ATXN7L2: variants seen among roughly 807,000 people sequenced by gnomAD.
ATXN7L2 encodes ataxin 7 like 2.
ATXN7L2 carries 17 observed loss-of-function variants against 59.6 expected under a neutral mutation model. The observed-to-expected ratio is 0.29, with a 90% CI of 0.20 to 0.43. The LOEUF (loss-of-function observed/expected upper bound fraction) is 0.43, where lower values mean the gene tolerates loss of function less well. ATXN7L2 is among the 20% of genes least tolerant of loss of function. The pLI is 1.00. For missense variants in ATXN7L2, 858 were observed against 1,008.9 expected, an observed-to-expected ratio of 0.85 and a Z score of 2.03; for synonymous variants, 378 against 392.5, an observed-to-expected ratio of 0.96 and a Z score of 0.44.
intron 10 of ATXN7L2, chr1:109,492,126 G>T: frequency 9.5e-7 from 1 of 1,055,290 alleles, no homozygotes; most frequent in Non-Finnish European, 1.1e-6. Context: ...GGTCTCACTG[G>T]TTTTTCCTCT....
chr1:109,492,209 G>T, intron 10 of ATXN7L2: 1 of 768,760 alleles, frequency 1.3e-6, no homozygotes, highest in Non-Finnish European at 1.6e-6. Flanking sequence ...CTCCAGGTGT[G>T]CAGGTGACAG....
chr1:109,486,159 C>A lies in ATXN7L2; in HGVS notation c.193+37C>A. On this transcript the variant is annotated intron_variant, in intron 2 of 10. Coordinates refer to ENST00000683729, the MANE Select transcript of ATXN7L2 (RefSeq NM_001350175.2). The surrounding 1 kb of genome is among the most constrained non-coding windows in gnomAD (Gnocchi z 4.3). ...CACACATTAGGGCTGGGACCCAGGG[C>A]AGACAGGACCACGCTCCACTTTTCC... The A allele has an allele frequency of 6.5e-7, 1 of 1,533,050 alleles. No individual in the cohort carries two copies. The highest frequency in any genetic ancestry group is 1.4e-5 in the African/African-American group (1 of 72,038). The allele number at this position is 1,533,050 out of a possible 1,614,324, so 95.0% of individuals were successfully genotyped here.
rs757316778 is a variant in ATXN7L2, at chr1:109,491,508, G to C, written c.2041G>C (p.Gly681Arg). 11 of 1,613,834 alleles carry C rather than the reference G, an allele frequency of 6.8e-6. No homozygotes were observed. Among genetic ancestry groups the C allele is most frequent in the African/African-American group, 1.3e-5 (1 of 74,958 alleles). The change falls in exon 10 of 11, where the codon GGA becomes CGA. Residue 681 changes from glycine (G) to arginine (R), a missense_variant. Physicochemically the swap from Gly to Arg is moderately radical, Grantham distance 125. Coordinates refer to ENST00000683729, the MANE Select transcript of ATXN7L2 (RefSeq NM_001350175.2). This position sits in a 1 kb window ranked among gnomAD's most constrained non-coding sequence, Gnocchi z 4.1. ...PVKASQLENR[G>R]AAGHPAKALP... ...CAAGGCTTCTCAGCTGGAGAACCGG[G>C]GAGCAGCTGGACACCCAGCCAAGGC...
chr1:109,485,891 G>A, intron 1 of ATXN7L2, 166 bp from the exon 2 acceptor site: 1 of 1,266,140 alleles, frequency 7.9e-7, no homozygotes, highest in Non-Finnish European at 1.0e-6. Context: ...CCAGGAGCTT[G>A]TCACGGAGTG....
intron 7 of ATXN7L2, 185 bp from the exon 8 acceptor site, chr1:109,489,745 C>T (rs1390512746): frequency 3.1e-6 from 2 of 652,368 alleles, no homozygotes; most frequent in Non-Finnish European, 2.7e-6. Flanking sequence ...GGAGCAGTCT[C>T]TCTGTCTCTT....
intron 10 of ATXN7L2, among the ~76,000 whole-genome samples, chr1:109,492,352 G>A (rs1220403695): frequency 6.6e-6 from 1 of 152,150 alleles, no homozygotes; most frequent in Admixed American, 6.5e-5. Flanking sequence ...GGTGGGACGG[G>A]GGTGCTCTCC....
Position 109,491,547 on chromosome 1 carries a change from T to G in ATXN7L2, c.2080T>G (p.Cys694Gly). Residue 694 changes from cysteine to glycine, a missense_variant, in exon 10 of 11, where the codon TGC becomes GGC. By Grantham distance (159) the Cys-to-Gly change is radical. Transcript: ENST00000683729. The surrounding 1 kb of genome is among the most constrained non-coding windows in gnomAD (Gnocchi z 4.1). ...CCCAGCCAAGGCCCTGCCAACCAAC[T>G]GCCTCTCTGAGGAGGAGGTGGCCAA... Reference protein sequence around the residue: ...GHPAKALPTNCLSEEEVAKKR... With the variant: ...GHPAKALPTNGLSEEEVAKKR... The G allele has an allele frequency of 6.2e-7, 1 of 1,613,982 alleles. No individual in the cohort carries two copies. Among genetic ancestry groups the G allele is most frequent in the East Asian group, 2.2e-5 (1 of 44,886 alleles).
At position 109,491,486 on chromosome 1, in the gene ATXN7L2, G is replaced by A; in HGVS notation, c.2019G>A (p.Lys673=). The A allele has an allele frequency of 6.2e-7, 1 of 1,614,004 alleles. No homozygotes were observed. Among genetic ancestry groups the A allele is most frequent in the Non-Finnish European group, 8.5e-7 (1 of 1,180,038 alleles). ...GSPHQLPTPV[K]ASQLENRGAA... ...CTCATCAGCTCCCCACACCAGTCAA[G>A]GCTTCTCAGCTGGAGAACCGGGGAG... is the stretch of plus-strand genomic sequence containing the variant. The change falls in exon 10 of 11, where the codon AAG becomes AAA. Residue 673 remains lysine (K), a synonymous_variant. Transcript: ENST00000683729. The surrounding 1 kb of genome is among the most constrained non-coding windows in gnomAD (Gnocchi z 4.1).
chr1:109,490,501 T>C (rs2101036816), intron 9 of ATXN7L2, 109 bp downstream of exon 9: 12 of 1,440,418 alleles, frequency 8.3e-6, no homozygotes, highest in Non-Finnish European at 1.1e-5. Context: ...TAGGTGTGCC[T>C]TGGCTATTTG....
intron 1 of ATXN7L2, chr1:109,485,402 A>G: frequency 5.1e-6 from 5 of 985,496 alleles, no homozygotes; most frequent in Non-Finnish European, 6.0e-6. Flanking sequence ...TAGCTGACCA[A>G]GGAGACTTTG....
intron 1 of ATXN7L2, among the ~76,000 whole-genome samples, chr1:109,484,369 C>G (rs564375586): frequency 6.6e-6 from 1 of 152,020 alleles, no homozygotes; most frequent in Admixed American, 6.5e-5. Context: ...TGCCTGCTGC[C>G]CCTCAGCTCG....
At chr1:109,485,138 A>G in intron 1 of ATXN7L2, 1 of 467,588 alleles carries the variant, frequency 2.1e-6, no homozygotes, top group Non-Finnish European at 2.8e-6. Flanking sequence ...GGGTGGGCAA[A>G]GATGGGGCCA....
Position 109,486,078 on chromosome 1 carries a change from G to A in ATXN7L2, c.149G>A (p.Ser50Asn). 6.3e-7 allele frequency: 1 copy of A among 1,599,898 alleles called. No individual in the cohort carries two copies. The highest frequency in any genetic ancestry group is 8.5e-7 in the Non-Finnish European group (1 of 1,174,586). The change falls in exon 2 of 11, where the codon AGC becomes AAC. Residue 50 changes from serine (S) to asparagine (N), a missense_variant. Coordinates refer to ENST00000683729, the MANE Select transcript of ATXN7L2 (RefSeq NM_001350175.2). This position sits in a 1 kb window ranked among gnomAD's most constrained non-coding sequence, Gnocchi z 4.3. ...AADGAELEES[S>N]KNTKKLDAMT... is the part of the protein sequence containing the mutation. Reference sequence around the variant, plus strand: ...CTAGGGGCTGAGCTGGAGGAGAGTAGCAAAAACACGAAGAAGTTGGATGCC... The same window carrying A: ...CTAGGGGCTGAGCTGGAGGAGAGTAACAAAAACACGAAGAAGTTGGATGCC...
chr1:109,488,967 C>A lies in ATXN7L2; in HGVS notation c.1000C>A (p.Arg334Ser), dbSNP rs774299743. 2 of 1,614,176 alleles carry A rather than the reference C, an allele frequency of 1.2e-6. No homozygotes were observed. The highest frequency in any genetic ancestry group is 2.2e-5 in the South Asian group (2 of 91,088). Residue 334 changes from arginine to serine, a missense_variant, in exon 7 of 11, where the codon CGC (arginine) becomes AGC (serine). Transcript: ENST00000683729. This position sits in a 1 kb window ranked among gnomAD's most constrained non-coding sequence, Gnocchi z 5.0. ...GESPKEKSPGRKEQVLERPSQ... is the reference protein window; with the variant it reads ...GESPKEKSPGSKEQVLERPSQ... Reference sequence around the variant, plus strand: ...GTCTCCCAAGGAGAAGAGCCCAGGGCGCAAGGAGCAAGTTCTCGAGCGCCC... The same window carrying A: ...GTCTCCCAAGGAGAAGAGCCCAGGGAGCAAGGAGCAAGTTCTCGAGCGCCC...
In ATXN7L2 at chr1:109,489,094, T is replaced by C; in HGVS notation, c.1127T>C (p.Leu376Pro). ...RAKQTYPYCA[L>P]PRSRASSESE... ...AAGCAGACCTACCCATACTGTGCAC[T>C]GCCCAGGTACGTCTAGAATCCAACC... The change falls in exon 7 of 11, where the codon CTG (leucine) becomes CCG (proline). Residue 376 changes from leucine to proline, a missense_variant. Leu to Pro is a moderately conservative substitution (Grantham distance 98, BLOSUM62 -3). This residue lies in a region of ATXN7L2 where 734 missense variants were observed against 862.3 expected (regional missense o/e 0.85). Transcript: ENST00000683729. 2 of 1,612,100 alleles carry C rather than the reference T, an allele frequency of 1.2e-6. No homozygotes were observed. Among genetic ancestry groups the C allele is most frequent in the Non-Finnish European group, 1.7e-6 (2 of 1,178,390 alleles).
At position 109,486,015 on chromosome 1, in the gene ATXN7L2, T is replaced by A; in HGVS notation, c.128-42T>A. 1.3e-6 allele frequency: 2 copies of A among 1,518,524 alleles called. No homozygotes were observed. The highest frequency in any genetic ancestry group is 4.7e-5 in the East Asian group (2 of 42,146). 94.1% of individuals were successfully genotyped at this position (1,518,524 alleles called of 1,614,324 possible). A position where few individuals can be genotyped will look rare whatever the true frequency, so the allele number is the denominator to read the frequency against. On this transcript the variant is annotated intron_variant, in intron 1 of 10. Coordinates refer to ENST00000683729, the MANE Select transcript of ATXN7L2 (RefSeq NM_001350175.2). The surrounding 1 kb of genome is among the most constrained non-coding windows in gnomAD (Gnocchi z 4.3). ...TGGTAAGGAGAGGCTGGAGACTCTC[T>A]AAAACTGGCCCTGACCCTTCTGAGC...
In ATXN7L2 at chr1:109,491,710, C is replaced by T. The variant is rs1037882289; in HGVS notation, c.2243C>T (p.Thr748Ile). ...CTGGCCTTTGAGGAGAAGTGCTCTA[C>T]ACTGAAGGTACCAGCCAGGCTCCCT... is the stretch of plus-strand genomic sequence containing the variant. ...PALAFEEKCS[T>I]LKSKAH Residue 748 changes from threonine to isoleucine, a missense_variant, in exon 10 of 11, where the codon ACA becomes ATA. Transcript: ENST00000683729. This position sits in a 1 kb window ranked among gnomAD's most constrained non-coding sequence, Gnocchi z 4.1. 9 of 1,593,892 alleles carry T rather than the reference C, an allele frequency of 5.6e-6. No individual in the cohort carries two copies. The highest frequency in any genetic ancestry group is 6.9e-6 in the Non-Finnish European group (8 of 1,167,626).
intron 10 of ATXN7L2, 140 bp from the exon 11 acceptor site, chr1:109,492,446 C>G (rs1425363256): frequency 8.6e-7 from 1 of 1,166,510 alleles, no homozygotes; most frequent in Admixed American, 2.2e-5. Flanking sequence ...TGGCATTCAT[C>G]TTCCCCCTTG....
intron 7 of ATXN7L2, 121 bp from the exon 8 acceptor site, chr1:109,489,809 T>A: frequency 1.0e-6 from 1 of 986,778 alleles, no homozygotes; most frequent in Non-Finnish European, 1.6e-6. Flanking sequence ...TGTCCTCTTC[T>A]GATTGCCCTG....
Sources: allele counts gnomAD v4.1 joint callset (sites outside exome capture counted in the v4.1 genomes callset), GRCh38; gene constraint gnomAD v4.1.1; regional missense constraint gnomAD v4.1.1; non-coding constraint Gnocchi (gnomAD v3.1); transcripts MANE v1.5; gene names NCBI Gene and HGNC (gene_info 2026-07-23, HGNC 2026-07-21).